STAG1: variants seen among roughly 807,000 people sequenced by gnomAD.
STAG1 encodes the protein STAG1 cohesin complex component.
Under a neutral mutation model 170.9 loss-of-function variants are expected in STAG1, and 26 were observed. The ratio of observed to expected loss-of-function variants is 0.15; its 90% confidence interval spans 0.11 to 0.21. The LOEUF (loss-of-function observed/expected upper bound fraction) is 0.21, where lower values mean the gene tolerates loss of function less well. STAG1 is among the 10% of genes least tolerant of loss of function. The pLI is 1.00. For synonymous variants in STAG1, 514 were observed against 497.7 expected (o/e 1.03, Z -0.44); for missense variants, 964 against 1,509.5 (o/e 0.64, Z 5.99).
At chr3:136,524,921 AG>A (rs2107914569) in intron 6 of STAG1, among the ~76,000 whole-genome samples, 1 of 152,348 alleles carries the variant, frequency 6.6e-6, no homozygotes, top group Non-Finnish European at 1.5e-5. Context: ...ATGGTGAACC[AG>A]CCTTGCATCC....
chr3:136,621,803 T>C (rs143038749), intron 3 of STAG1, among the ~76,000 whole-genome samples: 132 of 152,042 alleles, frequency 8.7e-4, no homozygotes, highest in African/African-American at 3.0e-3. Context: ...GTAAAAGACA[T>C]ATAGACAATA....
chr3:136,621,195 C>T (rs529280328), intron 3 of STAG1, among the ~76,000 whole-genome samples: 3 of 152,130 alleles, frequency 2.0e-5, no homozygotes, highest in Non-Finnish European at 4.4e-5. Flanking sequence ...TAAACAGGTT[C>T]TAACGAATTA....
chr3:136,350,150 A>G (rs1936381785), intron 28 of STAG1, among the ~76,000 whole-genome samples: 1 of 152,120 alleles, frequency 6.6e-6, no homozygotes, highest in South Asian at 2.1e-4. Flanking sequence ...AAAAAAAAAA[A>G]GAAAATCTAA....
intron 14 of STAG1, among the ~76,000 whole-genome samples, chr3:136,446,910 C>T (rs1358061544): frequency 3.3e-5 from 5 of 151,926 alleles, no homozygotes; most frequent in African/African-American, 1.2e-4. Flanking sequence ...AAGCAATTCT[C>T]CTGCCTCAGC....
intron 21 of STAG1, among the ~76,000 whole-genome samples, chr3:136,409,290 A>G (rs1487596561): frequency 1.3e-5 from 2 of 152,018 alleles, no homozygotes; most frequent in Non-Finnish European, 2.9e-5. Flanking sequence ...ATAAAAGTAA[A>G]TAAATAATAA....
chr3:136,649,991 T>C (rs1374740320), intron 1 of STAG1, among the ~76,000 whole-genome samples: 3 of 151,892 alleles, frequency 2.0e-5, no homozygotes, highest in African/African-American at 4.8e-5. Context: ...ATGGTCTTGA[T>C]CTCCTGACCT....
chr3:136,729,059 C>T (rs1413279331), intron 1 of STAG1, among the ~76,000 whole-genome samples: 4 of 152,222 alleles, frequency 2.6e-5, no homozygotes, highest in Non-Finnish European at 5.9e-5. Flanking sequence ...TGGCTCACCG[C>T]AGCCTCTGCC....
intron 26 of STAG1, among the ~76,000 whole-genome samples, chr3:136,360,722 G>C (rs1223681941): frequency 2.0e-5 from 3 of 152,040 alleles, no homozygotes; most frequent in Non-Finnish European, 2.9e-5. Context: ...AGGCTGGAGT[G>C]CAATGGCATG....
chr3:136,563,640 T>C (rs1936931076), intron 5 of STAG1, among the ~76,000 whole-genome samples: 2 of 147,540 alleles, frequency 1.4e-5, no homozygotes, highest in African/African-American at 2.5e-5. Context: ...TATTCCCTTC[T>C]TTCTTACAAA....
Position 136,624,465 on chromosome 3 carries a change from T to C in STAG1, c.30-1217A>G, listed in dbSNP as rs1576681792. Among the ~76,000 whole-genome samples the C allele has an allele frequency of 2.0e-5, 3 of 152,154 alleles. No homozygotes were observed. The South Asian group carries it at 6.2e-4, about 32-fold the overall frequency. On this transcript the variant is annotated intron_variant, in intron 2 of 33. Coordinates refer to ENST00000383202, the MANE Select transcript of STAG1 (RefSeq NM_005862.3). ...ATAGGAATTTTAACATGAAAGGTGGTTTCTATTTTTGTTCACTTTAATGAG... is the reference window on the plus strand; with the variant it reads ...ATAGGAATTTTAACATGAAAGGTGGCTTCTATTTTTGTTCACTTTAATGAG...
chr3:136,732,266 A>G (rs1482737433), intron 1 of STAG1, among the ~76,000 whole-genome samples: 1 of 147,740 alleles, frequency 6.8e-6, no homozygotes, highest in African/African-American at 2.5e-5. Context: ...AAAACACCTT[A>G]GTCACAATTT....
chr3:136,691,439 A>T (rs111712893), intron 1 of STAG1, among the ~76,000 whole-genome samples: 3 of 152,138 alleles, frequency 2.0e-5, no homozygotes, highest in African/African-American at 7.2e-5. Flanking sequence ...TCAAAAAAAA[A>T]AAAAATTAGC....
At chr3:136,731,396 G>C (rs1011414771) in intron 1 of STAG1, among the ~76,000 whole-genome samples, 2 of 152,192 alleles carry the variant, frequency 1.3e-5, no homozygotes, top group African/African-American at 4.8e-5. Flanking sequence ...AATAGAATTT[G>C]TCAAGCAGAA....
chr3:136,609,159 T>G (rs1464941697), intron 3 of STAG1: 1 of 153,466 alleles, frequency 6.5e-6, no homozygotes, highest in South Asian at 2.1e-4. Flanking sequence ...AAAGTGGAAA[T>G]GAAGTCAAAA....
At position 136,723,524 on chromosome 3, in the gene STAG1, G is replaced by A. The variant is rs574891178; in HGVS notation, c.-84+28671C>T. Among the ~76,000 whole-genome samples, 7 of 151,870 alleles carry A rather than the reference G, an allele frequency of 4.6e-5. No individual in the cohort carries two copies. The South Asian group carries it at 1.5e-3, about 32-fold the overall frequency. On this transcript the variant is annotated intron_variant, in intron 1 of 33. Coordinates refer to ENST00000383202, the MANE Select transcript of STAG1 (RefSeq NM_005862.3). ...CCACCCCATCTGGGAAGTGAGGAGCGTCTCTGCCCGGCAGCCACCCCATCC... is the reference window on the plus strand; with the variant it reads ...CCACCCCATCTGGGAAGTGAGGAGCATCTCTGCCCGGCAGCCACCCCATCC...
chr3:136,494,644 C>T (rs1932975825), intron 9 of STAG1, among the ~76,000 whole-genome samples: 1 of 152,182 alleles, frequency 6.6e-6, no homozygotes, highest in East Asian at 1.9e-4. Context: ...TCAATGAACA[C>T]AATACACTAT....
chr3:136,373,496 A>G (rs1438790278), intron 23 of STAG1, among the ~76,000 whole-genome samples: 3 of 151,468 alleles, frequency 2.0e-5, no homozygotes, highest in Admixed American at 2.0e-4. Flanking sequence ...AGGGCTATAA[A>G]TTTCCCTCTA....
rs1936111130 is a variant in STAG1 at position 136,343,969 on chromosome 3, G to A, written c.3309C>T (p.Asp1103=). ...GGGGGCCAGGAGTCTGAATCATGGT[G>A]TCAGTCCTGTTTAGCCATGTGTTAT... ...SLDNTWLNRT[D]TMIQTPGPLP... is the part of the protein sequence containing the mutation. Residue 1103 remains aspartate (D), a synonymous_variant, in exon 30 of 34, where the codon GAC becomes GAT. Transcript: ENST00000383202. 1 of 1,607,562 alleles carries A rather than the reference G, an allele frequency of 6.2e-7. No individual in the cohort carries two copies.
intron 22 of STAG1, among the ~76,000 whole-genome samples, chr3:136,396,519 C>CTTTTTTTTTTTTTT (rs1560085070): frequency 1.3e-5 from 1 of 78,272 alleles, no homozygotes; most frequent in African/African-American, 5.0e-5. Flanking sequence ...CCGCGCCTGG[C>CTTTTTTTTTTTTTT]CTTTTTTTTT....
Sources: gnomAD v4.1 joint callset for allele counts (sites outside exome capture counted in the v4.1 genomes callset) on GRCh38, gnomAD v4.1.1 for gene constraint, MANE v1.5 for transcripts, NCBI Gene and HGNC (gene_info 2026-07-23, HGNC 2026-07-21) for gene names.